The following PIBF1 variants were observed in gnomAD, a reference collection of about 807,000 sequenced individuals.
The protein encoded by PIBF1 is progesterone immunomodulatory binding factor 1, also known as progesterone-induced-blocking factor 1.
PIBF1 carries 90 observed loss-of-function variants against 112.5 expected under a neutral mutation model. The ratio of observed to expected loss-of-function variants is 0.80; its 90% CI spans 0.67 to 0.95. PIBF1 has a LOEUF of 0.95. PIBF1 is among the 40% of genes least tolerant of loss of function. The pLI, the probability that PIBF1 is intolerant of heterozygous loss-of-function variation, is 0.00. For synonymous variants in PIBF1, 301 were observed against 288.6 expected (o/e 1.04, Z -0.44); for missense variants, 915 against 852.3 (o/e 1.07, Z -0.92).
intron 10 of PIBF1, among the ~76,000 whole-genome samples, chr13:72,865,634 G>C: frequency 6.6e-6 from 1 of 152,200 alleles, no homozygotes; most frequent in South Asian, 2.1e-4. Context: ...TGCAAGCATT[G>C]CATTCATTTT....
chr13:72,947,421 T>C (rs933659501), intron 14 of PIBF1, among the ~76,000 whole-genome samples: 1 of 152,186 alleles, frequency 6.6e-6, no homozygotes, highest in South Asian at 2.1e-4. Context: ...TTGGAGGGGC[T>C]GCTGTGAAGG....
intron 16 of PIBF1, among the ~76,000 whole-genome samples, chr13:72,987,659 T>C (rs2043332524): frequency 6.7e-6 from 1 of 148,458 alleles, no homozygotes; most frequent in Non-Finnish European, 1.5e-5. Context: ...TATTTTTATT[T>C]AGAATTTTTT....
At chr13:72,822,226 G>A (rs975733114) in intron 6 of PIBF1, among the ~76,000 whole-genome samples, 9 of 151,980 alleles carry the variant, frequency 5.9e-5, no homozygotes, top group African/African-American at 4.8e-5. Context: ...AAAATCACAC[G>A]TGTGTAAATA....
intron 9 of PIBF1, among the ~76,000 whole-genome samples, chr13:72,844,760 C>CGGATGAAGTCTT (rs1345644818): frequency 3.9e-5 from 5 of 129,572 alleles, no homozygotes; most frequent in Non-Finnish European, 1.6e-5. Flanking sequence ...CACACACACA[C>CGGATGAAGTCTT]ACACACACAC....
chr13:73,005,134 C>T (rs561730635), intron 17 of PIBF1, among the ~76,000 whole-genome samples: 146 of 152,152 alleles, frequency 9.6e-4, no homozygotes, highest in African/African-American at 3.3e-3. Context: ...GAGATCACGT[C>T]GTTGCACTCT....
chr13:72,949,109 CAGAG>C (rs1045779639), intron 14 of PIBF1, among the ~76,000 whole-genome samples: 1 of 152,032 alleles, frequency 6.6e-6, no homozygotes. Context: ...AGAAGAAAAA[CAGAG>C]AACATACTGA....
At chr13:72,792,635 C>A in intron 3 of PIBF1, 88 bp downstream of exon 3, 12 of 649,096 alleles carry the variant, frequency 1.8e-5, no homozygotes, top group African/African-American at 3.8e-5. Flanking sequence ...TGACTGTAAG[C>A]TAAAATAGAG....
At chr13:72,784,944 C>T (rs2034517776) in intron 2 of PIBF1, among the ~76,000 whole-genome samples, 1 of 152,020 alleles carries the variant, frequency 6.6e-6, no homozygotes, top group Non-Finnish European at 1.5e-5. Flanking sequence ...ACAATCTTGG[C>T]TCACTGCAAC....
chr13:72,796,129 CT>C (rs1156996477), intron 4 of PIBF1, among the ~76,000 whole-genome samples: 1 of 152,082 alleles, frequency 6.6e-6, no homozygotes, highest in African/African-American at 2.4e-5. Context: ...AAACTAACAA[CT>C]TTTTTAAACA....
intron 2 of PIBF1, among the ~76,000 whole-genome samples, chr13:72,788,239 C>T (rs968585612): frequency 6.6e-6 from 1 of 152,004 alleles, no homozygotes; most frequent in Non-Finnish European, 1.5e-5. Context: ...CCTGAATAGT[C>T]AACTGTTAAT....
At chr13:72,985,653 TG>T (rs1235321137) in intron 16 of PIBF1, among the ~76,000 whole-genome samples, 1 of 152,204 alleles carries the variant, frequency 6.6e-6, no homozygotes, top group Non-Finnish European at 1.5e-5. Flanking sequence ...GGCAATATCT[TG>T]TTGTAAACTT....
At chr13:72,976,372 G>A (rs746880134) in intron 16 of PIBF1, among the ~76,000 whole-genome samples, 27 of 152,020 alleles carry the variant, frequency 1.8e-4, no homozygotes, top group Non-Finnish European at 3.4e-4. Context: ...GGGAAGGAGG[G>A]AGAAATTTAA....
chr13:72,884,165 A>T (rs137876995), intron 10 of PIBF1, among the ~76,000 whole-genome samples: 1 of 152,348 alleles, frequency 6.6e-6, no homozygotes, highest in East Asian at 1.9e-4. Context: ...TTTGGAGATG[A>T]TTAAATGAAA....
At chr13:72,918,910 G>T (rs568698238) in intron 13 of PIBF1, among the ~76,000 whole-genome samples, 1 of 151,182 alleles carries the variant, frequency 6.6e-6, no homozygotes, top group South Asian at 2.1e-4. Flanking sequence ...CACTGTATTG[G>T]CCAGGCTGGT....
Position 72,787,106 on chromosome 13 carries a change from T to G in PIBF1, c.252+3385T>G, listed in dbSNP as rs549981364. On this transcript the variant is annotated intron_variant, in intron 2 of 17. Coordinates refer to ENST00000326291, the MANE Select transcript of PIBF1 (RefSeq NM_006346.4). ...ATATGTATGTTAATGTGTGTATGTG[T>G]GTATATATATGTTTACTTCTTACAT... Among the ~76,000 whole-genome samples the G allele has an allele frequency of 6.4e-4, 98 of 152,298 alleles. 1 individual carries two copies. The highest frequency in any genetic ancestry group is 2.4e-3 in the African/African-American group (98 of 41,566).
At chr13:72,955,335 G>C (rs984153093) in intron 14 of PIBF1, among the ~76,000 whole-genome samples, 5 of 151,796 alleles carry the variant, frequency 3.3e-5, no homozygotes, top group Admixed American at 3.3e-4. Context: ...AATCATGCTT[G>C]TATAGGTGCA....
chr13:72,959,150 C>A (rs978877347), intron 14 of PIBF1, among the ~76,000 whole-genome samples: 3 of 151,994 alleles, frequency 2.0e-5, no homozygotes, highest in African/African-American at 7.3e-5. Context: ...CATGCGCCAC[C>A]ACACCAGGCT....
At chr13:72,862,529 A>G (rs933114731) in intron 10 of PIBF1, among the ~76,000 whole-genome samples, 14 of 152,198 alleles carry the variant, frequency 9.2e-5, no homozygotes, top group Non-Finnish European at 1.8e-4. Context: ...ACCACCAAGC[A>G]CCATTTTCAG....
intron 6 of PIBF1, among the ~76,000 whole-genome samples, chr13:72,823,801 G>GTTTTGGTTT (rs1355171341): frequency 4.6e-5 from 7 of 152,052 alleles, no homozygotes; most frequent in Non-Finnish European, 7.4e-5. Flanking sequence ...AATGTTCCTA[G>GTTTTGGTTT]TTTTGGTTTT....
Sources: gnomAD v4.1 joint callset for allele counts (sites outside exome capture counted in the v4.1 genomes callset) on GRCh38, gnomAD v4.1.1 for gene constraint, MANE v1.5 for transcripts, NCBI Gene and HGNC (gene_info 2026-07-23, HGNC 2026-07-21) for gene names.